F11: variants seen among roughly 807,000 people sequenced by gnomAD.
F11 encodes the protein coagualtion factor XI.
F11 carries 78 observed loss-of-function variants against 76.5 expected under a neutral mutation model. The observed-to-expected ratio is 1.02, with a 90% CI of 0.85 to 1.23. The LOEUF is 1.23. Among genes scored for constraint, F11 ranks in the 50% most tolerant of loss-of-function variants. The pLI, the probability that F11 is intolerant of heterozygous loss-of-function variation, is 0.00. For synonymous variants in F11, 278 were observed against 276.3 expected, an observed-to-expected ratio of 1.01 and a Z score of -0.06; for missense variants, 742 against 771.4, an observed-to-expected ratio of 0.96 and a Z score of 0.45.
chr4:186,285,501 T>TA (rs2126778869), intron 11 of F11, 137 bp from the exon 12 acceptor site: 1 of 882,594 alleles, frequency 1.1e-6, no homozygotes, highest in South Asian at 1.5e-5. Flanking sequence ...AATCTTAGGA[T>TA]AAAATCACTT....
At chr4:186,290,517 C>T (rs951743247), downstream of F11, among the ~76,000 whole-genome samples, 3 of 152,142 alleles carry the variant, frequency 2.0e-5, no homozygotes, top group Middle Eastern at 3.2e-3. Context: ...GATGTAATTT[C>T]GGATAAGAAG....
rs3822057 is a variant in F11, at chr4:186,266,998, A to T, written c.-1-138A>T. On this transcript the variant is annotated intron_variant, in intron 1 of 14. Coordinates refer to ENST00000403665, the MANE Select transcript of F11 (RefSeq NM_000128.4). ...CCAGGATTGGGAAAGAAAATTCAAC[A>T]TTATAATGAGAACACTGTGAATGCT... 21 of 680,290 alleles carry T rather than the reference A, an allele frequency of 3.1e-5. 1 individual carries two copies. In the East Asian group the frequency reaches 4.6e-4, roughly 15 times the overall value. 42.1% of individuals were successfully genotyped at this position (680,290 alleles called of 1,614,324 possible).
chr4:186,274,391 C>G, intron 5 of F11, 116 bp downstream of exon 5: 7 of 1,312,594 alleles, frequency 5.3e-6, no homozygotes, highest in Non-Finnish European at 7.5e-6. Flanking sequence ...AAAGACATTT[C>G]TATAATAGTA....
At chr4:186,276,525 C>T in intron 7 of F11, 135 bp downstream of exon 7, 2 of 949,618 alleles carry the variant, frequency 2.1e-6, no homozygotes, top group Non-Finnish European at 3.3e-6. Context: ...GAATTTCTAG[C>T]CCCTCTCCCT....
intron 10 of F11, 58 bp downstream of exon 10, chr4:186,280,638 A>C: frequency 2.2e-6 from 3 of 1,352,640 alleles, no homozygotes; most frequent in Non-Finnish European, 1.0e-6. Flanking sequence ...TGCTTCATAC[A>C]TCACAATCAA....
chr4:186,281,151 C>T (rs1353562308), intron 10 of F11, among the ~76,000 whole-genome samples: 1 of 152,108 alleles, frequency 6.6e-6, no homozygotes, highest in African/African-American at 2.4e-5. Context: ...GCCACTGCAC[C>T]CAGCCACAAC....
chr4:186,287,900 G>GT lies in F11; in HGVS notation c.1716+85dup, dbSNP rs4253862. ...GCGTTGGGGTTTTTTTGTTTGTTTT[G>GT]TTTTTTTTGTTTGTTTTTTTTTGAG... On this transcript the variant is annotated intron_variant, in intron 14 of 14. Transcript: ENST00000403665. The GT allele has an allele frequency of 4.0e-3, 6,094 of 1,523,416 alleles. 188 individuals carry two copies. The African/African-American group carries it at 0.07, about 17-fold the overall frequency. 94.4% of individuals were successfully genotyped at this position (1,523,416 alleles called of 1,614,324 possible).
intron 10 of F11, chr4:186,283,036 G>C: frequency 1.0e-6 from 1 of 985,332 alleles, no homozygotes; most frequent in Non-Finnish European, 1.2e-6. Flanking sequence ...GGAGCCTTCT[G>C]AGCACCTGAG....
intron 7 of F11, among the ~76,000 whole-genome samples, chr4:186,277,481 A>G (rs1164329015): frequency 6.6e-6 from 1 of 152,140 alleles, no homozygotes; most frequent in African/African-American, 2.4e-5. Flanking sequence ...GCAGTTGTCT[A>G]GTTCTAAATG....
chr4:186,285,241 C>T (rs543865237), intron 11 of F11, among the ~76,000 whole-genome samples: 1 of 152,272 alleles, frequency 6.6e-6, no homozygotes, highest in South Asian at 2.1e-4. Flanking sequence ...TTACCTGTCA[C>T]ATATGGGAAT....
intron 11 of F11, among the ~76,000 whole-genome samples, chr4:186,285,025 C>T (rs985734116): frequency 2.6e-5 from 4 of 152,138 alleles, no homozygotes; most frequent in South Asian, 4.2e-4. Flanking sequence ...TCACTTTCAG[C>T]GTTGGCCAAA....
At chr4:186,271,536 T>C in intron 2 of F11, 73 bp from the exon 3 acceptor site, 1 of 1,559,738 alleles carries the variant, frequency 6.4e-7, no homozygotes, top group Non-Finnish European at 8.8e-7. Flanking sequence ...GCCTTGCCTT[T>C]ATGAGATTAC....
In F11 at chr4:186,286,520, A is replaced by G. The variant is rs1741219636; in HGVS notation, c.1576+10A>G. On this transcript the variant is annotated intron_variant, in intron 13 of 14. Transcript: ENST00000403665. Reference sequence around the variant, plus strand: ...TACAGAAAACTAAGAGGTAAAAATGATGTTGTTATATGTGCTCCATCCTAG... The same window carrying G: ...TACAGAAAACTAAGAGGTAAAAATGGTGTTGTTATATGTGCTCCATCCTAG... 2 of 1,613,098 alleles carry G rather than the reference A, an allele frequency of 1.2e-6. No homozygotes were observed. Among genetic ancestry groups the G allele is most frequent in the Non-Finnish European group, 8.5e-7 (1 of 1,179,348 alleles).
chr4:186,280,578 A>C lies in F11; in HGVS notation c.1133A>C (p.Asn378Thr). The C allele has an allele frequency of 6.2e-7, 1 of 1,606,270 alleles. No homozygotes were observed. Among genetic ancestry groups the C allele is most frequent in the Non-Finnish European group, 8.5e-7 (1 of 1,172,874 alleles). ...GYTLRLCKMD[N>T]ECTTKIKPRI... ...ACATTAAGGTTGTGTAAAATGGATA[A>C]TGGTGAGTATAATGTCACTTGAAAA... is the stretch of plus-strand genomic sequence containing the variant. Residue 378 changes from asparagine to threonine, a missense_variant and splice_region_variant, in exon 10 of 15, where the codon AAT (asparagine) becomes ACT (threonine). By Grantham distance (65) the Asn-to-Thr change is moderately conservative. Transcript: ENST00000403665.
At chr4:186,281,063 C>T (rs2126762237) in intron 10 of F11, among the ~76,000 whole-genome samples, 1 of 152,036 alleles carries the variant, frequency 6.6e-6, no homozygotes, top group East Asian at 1.9e-4. Flanking sequence ...TGCCATGTTG[C>T]CCAGGCTGGT....
intron 5 of F11, 108 bp downstream of exon 5, chr4:186,274,383 A>C (rs1740215619): frequency 7.2e-7 from 1 of 1,391,216 alleles, no homozygotes; most frequent in South Asian, 1.2e-5. Flanking sequence ...AACCCCTAAA[A>C]GACATTTCTA....
At chr4:186,282,800 C>G in intron 10 of F11, 1 of 985,388 alleles carries the variant, frequency 1.0e-6, no homozygotes, top group Non-Finnish European at 1.2e-6. Flanking sequence ...CGTGCTCGTT[C>G]TCACCTCAGT....
At position 186,275,409 on chromosome 4, in the gene F11, C is replaced by T. The variant is rs566397272; in HGVS notation, c.486-378C>T. The stretch of plus-strand genomic sequence containing the variant: ...ACTTGGGAGGCTGAGACAAGAGAAT[C>T]GCTTGAACCCAGGAGGCGGAGGTTG... On this transcript the variant is annotated intron_variant, in intron 5 of 14. Coordinates refer to ENST00000403665, the MANE Select transcript of F11 (RefSeq NM_000128.4). 6.2e-4 allele frequency among the ~76,000 whole-genome samples: 94 copies of T among 152,220 alleles called. 1 individual carries two copies. The highest frequency in any genetic ancestry group is 1.0e-3 in the Non-Finnish European group (68 of 68,012).
At chr4:186,277,471 G>A (rs1297875071) in intron 7 of F11, among the ~76,000 whole-genome samples, 1 of 152,142 alleles carries the variant, frequency 6.6e-6, no homozygotes, top group Non-Finnish European at 1.5e-5. Context: ...TGGCAAAGGG[G>A]CAGTTGTCTA....
Sources: gnomAD v4.1 joint callset for allele counts (sites outside exome capture counted in the v4.1 genomes callset) on GRCh38, gnomAD v4.1.1 for gene constraint, MANE v1.5 for transcripts, NCBI Gene and HGNC (gene_info 2026-07-23, HGNC 2026-07-21) for gene names.